The following TYSND1 variants were observed in gnomAD, a reference collection of about 807,000 sequenced individuals.
TYSND1 encodes trypsin like peroxisomal matrix peptidase 1.
TYSND1 carries 30 observed loss-of-function variants against 37.2 expected under a neutral mutation model. The ratio of observed to expected loss-of-function variants is 0.81; its 90% CI spans 0.60 to 1.09. TYSND1 has a LOEUF of 1.09. Ranked by LOEUF, TYSND1 falls within the 50% of genes least tolerant of loss-of-function variation. The pLI, the probability that TYSND1 is intolerant of heterozygous loss-of-function variation, is 0.00. For missense variants in TYSND1, 806 were observed against 817.4 expected (o/e 0.99, Z 0.17); for synonymous variants, 364 against 383.8 (o/e 0.95, Z 0.60).
chr10:70,143,016 T>C (rs1347051118), intron 2 of TYSND1, among the ~76,000 whole-genome samples, 163 bp from the exon 3 acceptor site: 1 of 152,212 alleles, frequency 6.6e-6, no homozygotes, highest in Non-Finnish European at 1.5e-5. Flanking sequence ...CCATGTCCCC[T>C]GGCTGGAAGA....
Position 70,139,967 on chromosome 10 carries a change from C to G in TYSND1, c.1658G>C (p.Arg553Pro), listed in dbSNP as rs774294361. The change falls in exon 4 of 4, where the codon CGG (arginine) becomes CCG (proline). Residue 553 changes from arginine to proline, a missense_variant. Arg to Pro is a moderately radical substitution (Grantham distance 103). Coordinates refer to ENST00000287078, the MANE Select transcript of TYSND1 (RefSeq NM_173555.4). ...RAAEPVRVVW[R>P]LQRPLAEAPR... Reference sequence around the variant, plus strand: ...GGCCTCTGCCAGGGGCCGCTGCAACCGCCACACCACCCTGACTGGCTCAGC... The same window carrying G: ...GGCCTCTGCCAGGGGCCGCTGCAACGGCCACACCACCCTGACTGGCTCAGC... 6.2e-7 allele frequency: 1 copy of G among 1,613,970 alleles called. No homozygotes were observed. The highest frequency in any genetic ancestry group is 1.1e-5 in the South Asian group (1 of 91,066).
In TYSND1 at chr10:70,142,514, T is replaced by C. The variant is rs557248339; in HGVS notation, c.1483+154A>G. On this transcript the variant is annotated intron_variant, in intron 3 of 3. Transcript: ENST00000287078. ...GTCCAGCATCCGTCCCTCTCCACCA[T>C]CAGGAGAACAGCCTGCAAACCTTCG... 1.2e-4 allele frequency among the ~76,000 whole-genome samples: 19 copies of C among 152,178 alleles called. No homozygotes were observed. The South Asian group carries it at 3.7e-3, about 30-fold the overall frequency.
At chr10:70,140,260 C>A in intron 3 of TYSND1, 119 bp from the exon 4 acceptor site, 2 of 733,360 alleles carry the variant, frequency 2.7e-6, no homozygotes, top group Non-Finnish European at 2.2e-6. Flanking sequence ...GATACCACCC[C>A]ACGTGGTGAC....
rs774482910 is a variant in TYSND1, at chr10:70,146,600, G to A, written c.-14C>T. 2.2e-5 allele frequency: 33 copies of A among 1,509,582 alleles called. No homozygotes were observed. Among genetic ancestry groups the A allele is most frequent in the Non-Finnish European group, 2.7e-5 (31 of 1,136,054 alleles). The allele number at this position is 1,509,582 out of a possible 1,614,324, so 93.5% of individuals were successfully genotyped here. On this transcript the variant is annotated 5_prime_UTR_variant, in exon 1 of 4. Transcript: ENST00000287078. ...CTGCCTTCTCATGGCCTCTAGGCCG[G>A]ACACTCGGGAGCTTCTCCGAGAAAC...
Position 70,146,267 on chromosome 10 carries a change from G to T in TYSND1, c.320C>A (p.Thr107Lys), listed in dbSNP as rs1434006528. The change falls in exon 1 of 4, where the codon ACG (threonine) becomes AAG (lysine). Residue 107 changes from threonine to lysine, a missense_variant. By Grantham distance (78) the Thr-to-Lys change is moderately conservative. Coordinates refer to ENST00000287078, the MANE Select transcript of TYSND1 (RefSeq NM_173555.4). ...GAERGRPGLC[T>K]PQCASLEPGP... The stretch of plus-strand genomic sequence containing the variant: ...GGGCTCGAGGCTCGCGCACTGGGGC[G>T]TGCACAGCCCTGGGCGGCCCCGCTC... The T allele has an allele frequency of 7.4e-6, 11 of 1,477,812 alleles. No individual in the cohort carries two copies. The highest frequency in any genetic ancestry group is 9.8e-6 in the Non-Finnish European group (11 of 1,123,360). The allele number at this position is 1,477,812 out of a possible 1,614,324, so 91.5% of individuals were successfully genotyped here.
Position 70,142,686 on chromosome 10 carries a change from G to C in TYSND1, c.1465C>G (p.His489Asp). 1.9e-6 allele frequency: 3 copies of C among 1,594,584 alleles called. No individual in the cohort carries two copies. The South Asian group carries it at 3.4e-5, about 18-fold the overall frequency. ...TGGTTACCAAGGAGGTTTCCTGAGT[G>C]GTTGGAGAAGAGGGGTCCCCCACTG... ...GSSGGPLFSN[H>D]SGNLLGIITS... Residue 489 changes from histidine (H) to aspartate (D), a missense_variant, in exon 3 of 4, where the codon CAC becomes GAC. Physicochemically the swap from His to Asp is moderately conservative, Grantham distance 81. Transcript: ENST00000287078.
rs1264167236 is a variant in TYSND1 at position 70,142,868 on chromosome 10, A to AG, written c.1298-16dup. ...CACAGCCTCGCCTGCCAGGGAAGGA[A>AG]GGAGGGTGAAGCTGGGGACACCTGT... On this transcript the variant is annotated splice_polypyrimidine_tract_variant and intron_variant, in intron 2 of 3. Coordinates refer to ENST00000287078, the MANE Select transcript of TYSND1 (RefSeq NM_173555.4). 6.2e-7 allele frequency: 1 copy of AG among 1,611,602 alleles called. No homozygotes were observed. Among genetic ancestry groups the AG allele is most frequent in the East Asian group, 2.2e-5 (1 of 44,830 alleles).
In TYSND1 at chr10:70,145,401, C is replaced by A. The variant is rs1166630630; in HGVS notation, c.1166+20G>T. The A allele has an allele frequency of 7.2e-7, 1 of 1,394,788 alleles. No individual in the cohort carries two copies. 86.4% of individuals were successfully genotyped at this position (1,394,788 alleles called of 1,614,324 possible). A position where few individuals can be genotyped will look rare whatever the true frequency, so the allele number is the denominator to read the frequency against. On this transcript the variant is annotated intron_variant, in intron 1 of 3. Coordinates refer to ENST00000287078, the MANE Select transcript of TYSND1 (RefSeq NM_173555.4). ...TGAGACCTGGAAAGGGATGAAGTGG[C>A]GTCAGCCCTGCGGGCTTACTTGGGG... is the stretch of plus-strand genomic sequence containing the variant.
Position 70,145,879 on chromosome 10 carries a change from G to A in TYSND1, c.708C>T (p.Asn236=), listed in dbSNP as rs1171683667. The A allele has an allele frequency of 6.5e-7, 1 of 1,546,790 alleles. No individual in the cohort carries two copies. Among genetic ancestry groups the A allele is most frequent in the South Asian group, 1.2e-5 (1 of 83,948 alleles). ...FGAFCPDIFL[N]TLSCGVLSNV... ...TGCTGAGCACCCCGCAGCTCAGCGT[G>A]TTGAGAAAGATGTCGGGGCAGAAGG... Residue 236 remains asparagine, a synonymous_variant, in exon 1 of 4, where the codon AAC becomes AAT. Transcript: ENST00000287078.
At chr10:70,143,145 C>T (rs1322153180) in intron 2 of TYSND1, among the ~76,000 whole-genome samples, 1 of 152,216 alleles carries the variant, frequency 6.6e-6, no homozygotes, top group African/African-American at 2.4e-5. Flanking sequence ...GAGTTCCTAA[C>T]ACCTACCTAC....
chr10:70,146,024 A>G lies in TYSND1; in HGVS notation c.563T>C (p.Leu188Pro), dbSNP rs79056736. Residue 188 changes from leucine (L) to proline (P), a missense_variant, in exon 1 of 4, where the codon CTG becomes CCG. Physicochemically the swap from Leu to Pro is moderately conservative, Grantham distance 98. Coordinates refer to ENST00000287078, the MANE Select transcript of TYSND1 (RefSeq NM_173555.4). ...CTCCTCCTGGCCTAGCCGCACGCCC[A>G]GCAGCGCAAACCAGCCCAGCGCTCT... Reference protein sequence around the residue: ...QLRALGWFALLGVRLGQEEVE... With the variant: ...QLRALGWFALPGVRLGQEEVE... The G allele has an allele frequency of 1.2e-3, 1,860 of 1,601,116 alleles. 1 individual carries two copies. Among genetic ancestry groups the G allele is most frequent in the Non-Finnish European group, 1.5e-3 (1,737 of 1,174,740 alleles).
At position 70,145,669 on chromosome 10, in the gene TYSND1, G is replaced by T; in HGVS notation, c.918C>A (p.Ala306=). 7.2e-7 allele frequency: 1 copy of T among 1,387,764 alleles called. No homozygotes were observed. Among genetic ancestry groups the T allele is most frequent in the Non-Finnish European group, 9.3e-7 (1 of 1,080,404 alleles). The allele number at this position is 1,387,764 out of a possible 1,614,324, so 86.0% of individuals were successfully genotyped here. ...GCGGCAGGCGGTGAAGCGCGTCGCG[G>T]GCGGCGCGGAAAAGGGGGGCGGCGG... is the stretch of plus-strand genomic sequence containing the variant. ...LCAAAPLFRA[A]RDALHRLPHS... The change falls in exon 1 of 4, where the codon GCC becomes GCA. Residue 306 remains alanine (A), a synonymous_variant. Coordinates refer to ENST00000287078, the MANE Select transcript of TYSND1 (RefSeq NM_173555.4).
chr10:70,139,467 G>A lies in TYSND1; in HGVS notation c.*457C>T, dbSNP rs1165401022. The stretch of plus-strand genomic sequence containing the variant: ...AGGTTTCTGCTGAGATGCTAAGGAA[G>A]CTGAGTCCTTTGTCAGCCCTGACTC... On this transcript the variant is annotated 3_prime_UTR_variant, in exon 4 of 4. Coordinates refer to ENST00000287078, the MANE Select transcript of TYSND1 (RefSeq NM_173555.4). 6.4e-6 allele frequency: 1 copy of A among 155,434 alleles called. No individual in the cohort carries two copies. The highest frequency in any genetic ancestry group is 1.4e-5 in the Non-Finnish European group (1 of 70,074). The allele number at this position is 155,434 out of a possible 1,614,324, so 9.6% of individuals were successfully genotyped here.
rs969346185 is a variant in TYSND1 at position 70,146,392 on chromosome 10, G to C, written c.195C>G (p.Thr65=). 1.9e-5 allele frequency: 30 copies of C among 1,584,722 alleles called. No homozygotes were observed. Among genetic ancestry groups the C allele is most frequent in the African/African-American group, 2.7e-5 (2 of 74,642 alleles). Residue 65 remains threonine, a synonymous_variant, in exon 1 of 4, where the codon ACC becomes ACG. Transcript: ENST00000287078. ...CAGGCAGGAAGACGGCGCCGGCCGC[G>C]GTCAGGACTTCGCTGCCAGCTCGCA... ...PFLRAGSEVL[T]AAGAVFLPGD...
intron 3 of TYSND1, among the ~76,000 whole-genome samples, 174 bp downstream of exon 3, chr10:70,142,494 G>A (rs1368768558): frequency 6.6e-6 from 1 of 152,182 alleles, no homozygotes; most frequent in Admixed American, 6.5e-5. Context: ...TCCCAGTCCA[G>A]CATCCGTCCC....
In TYSND1 at chr10:70,143,958, C is replaced by A; in HGVS notation, c.1181G>T (p.Trp394Leu). 1 of 1,614,228 alleles carries A rather than the reference C, an allele frequency of 6.2e-7. No individual in the cohort carries two copies. Among genetic ancestry groups the A allele is most frequent in the Non-Finnish European group, 8.5e-7 (1 of 1,180,036 alleles). ...RSTTPKSVAI[W>L]GRVVFATQET... ...CTGAGTGGCAAATACCACACGGCCC[C>A]AGATGGCCACACTCCTGGGAGCAAG... The change falls in exon 2 of 4, where the codon TGG (tryptophan) becomes TTG (leucine). Residue 394 changes from tryptophan to leucine, a missense_variant. This residue lies in a region of TYSND1 where 708 missense variants were observed against 705.4 expected (regional missense o/e 1.00). Coordinates refer to ENST00000287078, the MANE Select transcript of TYSND1 (RefSeq NM_173555.4).
At chr10:70,142,500 G>A (rs1481139517) in intron 3 of TYSND1, among the ~76,000 whole-genome samples, 168 bp downstream of exon 3, 8 of 152,136 alleles carry the variant, frequency 5.3e-5, no homozygotes, top group East Asian at 1.9e-4. Context: ...TCCAGCATCC[G>A]TCCCTCTCCA....
chr10:70,141,879 C>G (rs1337290825), intron 3 of TYSND1, among the ~76,000 whole-genome samples: 1 of 152,152 alleles, frequency 6.6e-6, no homozygotes, highest in African/African-American at 2.4e-5. Context: ...CAGGCCTAGA[C>G]TTATGGCTCT....
In TYSND1 at chr10:70,145,697, C is replaced by T; in HGVS notation, c.890G>A (p.Cys297Tyr). 6 of 1,400,952 alleles carry T rather than the reference C, an allele frequency of 4.3e-6. No individual in the cohort carries two copies. Among genetic ancestry groups the T allele is most frequent in the Non-Finnish European group, 5.5e-6 (6 of 1,087,382 alleles). The allele number at this position is 1,400,952 out of a possible 1,614,324, so 86.8% of individuals were successfully genotyped here. The change falls in exon 1 of 4, where the codon TGC (cysteine) becomes TAC (tyrosine). Residue 297 changes from cysteine (C) to tyrosine (Y), a missense_variant. Transcript: ENST00000287078. The part of the protein sequence containing the change: ...AGEWVGFTLL[C>Y]AAAPLFRAAR... ...GGCGCGGAAAAGGGGGGCGGCGGCG[C>T]AGAGCAGCGTGAAGCCCACCCATTC...
Sources: allele counts gnomAD v4.1 joint callset (sites outside exome capture counted in the v4.1 genomes callset), GRCh38; gene constraint gnomAD v4.1.1; regional missense constraint gnomAD v4.1.1; transcripts MANE v1.5; gene names NCBI Gene and HGNC (gene_info 2026-07-23, HGNC 2026-07-21).